The following CR1 variants were observed in gnomAD, a reference collection of about 807,000 sequenced individuals.
CR1 encodes complement receptor type 1.
CR1 carries 116 observed loss-of-function variants against 187.3 expected under a neutral mutation model. The ratio of observed to expected loss-of-function variants is 0.62; its 90% CI spans 0.53 to 0.72. The LOEUF (loss-of-function observed/expected upper bound fraction) is 0.72. CR1 is among the 30% of genes least tolerant of loss of function. The pLI, the probability that CR1 is intolerant of heterozygous loss-of-function variation, is 0.00. For synonymous variants in CR1, 576 were observed against 747.1 expected, an observed-to-expected ratio of 0.77 and a Z score of 3.73; for missense variants, 1,731 against 2,110.7, an observed-to-expected ratio of 0.82 and a Z score of 3.52.
intron 1 of CR1, among the ~76,000 whole-genome samples, chr1:207,505,268 C>T (rs1369124731): frequency 6.6e-6 from 1 of 152,170 alleles, no homozygotes; most frequent in Non-Finnish European, 1.5e-5. Context: ...ATTCTCCTGC[C>T]TCAGCCTCCC....
intron 35 of CR1, among the ~76,000 whole-genome samples, chr1:207,597,545 C>G (rs1250920584): frequency 6.6e-6 from 1 of 152,038 alleles, no homozygotes; most frequent in Non-Finnish European, 1.5e-5. Flanking sequence ...TGACTTTGTA[C>G]TAGGATGTTT....
intron 35 of CR1, among the ~76,000 whole-genome samples, chr1:207,590,259 C>T (rs1293429919): frequency 6.6e-6 from 1 of 152,236 alleles, no homozygotes. Context: ...AACAGTGAAT[C>T]TCTCTGCAGA....
Position 207,618,910 on chromosome 1 carries a change from G to A in CR1, c.7066+663G>A, listed in dbSNP as rs566833253. Among the ~76,000 whole-genome samples, 461 of 149,524 alleles carry A rather than the reference G, an allele frequency of 3.1e-3. 4 individuals carry two copies. Among genetic ancestry groups the A allele is most frequent in the Non-Finnish European group, 4.1e-3 (278 of 67,402 alleles). ...ACAAAAATTAGCTGGGTGGTGGTGC[G>A]CGCCTATAGTCCCAGCTACTCGTGA... On this transcript the variant is annotated intron_variant, in intron 42 of 46. Coordinates refer to ENST00000367049, the MANE Select transcript of CR1 (RefSeq NM_000651.6).
chr1:207,605,133 A>G (rs920408978), intron 35 of CR1, among the ~76,000 whole-genome samples: 2 of 151,698 alleles, frequency 1.3e-5, no homozygotes, highest in Non-Finnish European at 2.9e-5. Flanking sequence ...GGCAGCGCAT[A>G]CCTGTAGTCC....
intron 3 of CR1, among the ~76,000 whole-genome samples, chr1:207,510,531 C>T (rs952536682): frequency 6.6e-6 from 1 of 152,160 alleles, no homozygotes; most frequent in African/African-American, 2.4e-5. Flanking sequence ...ACTAGTTTCA[C>T]CCAACCATCT....
chr1:207,598,853 A>T (rs1464314066), intron 35 of CR1: 1 of 152,250 alleles, frequency 6.6e-6, no homozygotes, highest in African/African-American at 2.4e-5. Context: ...TACCTAAAGA[A>T]CTGTCTCCCA....
intron 27 of CR1, among the ~76,000 whole-genome samples, chr1:207,573,423 T>C (rs552186065): frequency 6.6e-6 from 1 of 152,242 alleles, no homozygotes; most frequent in East Asian, 1.9e-4. Context: ...AATTGGTAAA[T>C]TTCCTGACTG....
At chr1:207,602,944 T>C (rs1661646401) in intron 35 of CR1, among the ~76,000 whole-genome samples, 1 of 151,924 alleles carries the variant, frequency 6.6e-6, no homozygotes. Flanking sequence ...AGGAAATATA[T>C]AGGACTTATA....
At chr1:207,635,445 C>T (rs181099905) in intron 46 of CR1, among the ~76,000 whole-genome samples, 7 of 152,296 alleles carry the variant, frequency 4.6e-5, no homozygotes, top group Non-Finnish European at 1.0e-4. Context: ...ACATAAATAT[C>T]TCAATGCCTT....
At chr1:207,635,694 C>G (rs376654918) in intron 46 of CR1, among the ~76,000 whole-genome samples, 1 of 152,204 alleles carries the variant, frequency 6.6e-6, no homozygotes, top group African/African-American at 2.4e-5. Context: ...CAGGTCTTTC[C>G]CTTCCCATGA....
At chr1:207,512,159 G>A (rs1357921060) in intron 4 of CR1, among the ~76,000 whole-genome samples, 2 of 152,168 alleles carry the variant, frequency 1.3e-5, no homozygotes, top group Admixed American at 6.5e-5. Flanking sequence ...TTTTAAAGTA[G>A]TTTGGTATAA....
chr1:207,498,877 C>CAAAAAAAAAAAAAAAAAAAAAAA (rs56044498), intron 1 of CR1, among the ~76,000 whole-genome samples: 11 of 50,098 alleles, frequency 2.2e-4, no homozygotes, highest in Admixed American at 6.4e-4. Context: ...AACTCCAAAT[C>CAAAAAAAAAAAAAAAAAAAAAAA]AAAAAAAAAA....
chr1:207,632,815 A>T (rs1254984060), intron 46 of CR1, among the ~76,000 whole-genome samples: 7 of 101,268 alleles, frequency 6.9e-5, no homozygotes, highest in Middle Eastern at 5.6e-3. Context: ...AAAAAAAAAA[A>T]AAAAAAAAAA....
rs1339584812 is a variant in CR1, at chr1:207,616,713, G to C, written c.6800G>C (p.Gly2267Ala). ...PDRGMTFNLI[G>A]ESSIRCTSDP... ...AGAGGGATGACCTTCAACCTCATTG[G>C]GGAGAGCTCCATCCGCTGCACAAGT... The change falls in exon 41 of 47, where the codon GGG becomes GCG. Residue 2267 changes from glycine (G) to alanine (A), a missense_variant. Gly to Ala is a moderately conservative substitution (Grantham distance 60). Coordinates refer to ENST00000367049, the MANE Select transcript of CR1 (RefSeq NM_000651.6). The C allele has an allele frequency of 1.9e-6, 3 of 1,613,810 alleles. No homozygotes were observed. In the African/African-American group the frequency reaches 4.0e-5, roughly 22 times the overall value.
At chr1:207,506,498 T>A (rs1248579214) in intron 2 of CR1, among the ~76,000 whole-genome samples, 1 of 152,170 alleles carries the variant, frequency 6.6e-6, no homozygotes, top group Non-Finnish European at 1.5e-5. Context: ...CTGGGAGGCA[T>A]AATATGGGGA....
At chr1:207,584,332 T>C (rs561970799) in intron 32 of CR1, among the ~76,000 whole-genome samples, 1 of 152,186 alleles carries the variant, frequency 6.6e-6, no homozygotes, top group Admixed American at 6.5e-5. Flanking sequence ...TAATGGATGA[T>C]TCCCCTTTAA....
At chr1:207,509,888 T>C (rs1659560819) in intron 3 of CR1, among the ~76,000 whole-genome samples, 1 of 152,154 alleles carries the variant, frequency 6.6e-6, no homozygotes, top group Non-Finnish European at 1.5e-5. Context: ...TAGAAAATGA[T>C]TTCATTTTTG....
chr1:207,516,331 A>G (rs552802345), intron 4 of CR1, among the ~76,000 whole-genome samples: 2 of 152,282 alleles, frequency 1.3e-5, no homozygotes, highest in African/African-American at 4.8e-5. Context: ...ATCTCATTCC[A>G]GAGAGGTTCT....
At chr1:207,590,986 T>C (rs550139583) in intron 35 of CR1, among the ~76,000 whole-genome samples, 5 of 152,126 alleles carry the variant, frequency 3.3e-5, no homozygotes, top group Non-Finnish European at 7.4e-5. Flanking sequence ...AGACTTAGAT[T>C]CCCACACAAT....
Sources: gnomAD v4.1 joint callset for allele counts (sites outside exome capture counted in the v4.1 genomes callset) on GRCh38, gnomAD v4.1.1 for gene constraint, MANE v1.5 for transcripts, NCBI Gene and HGNC (gene_info 2026-07-23, HGNC 2026-07-21) for gene names.